The following MINDY3 variants were observed in gnomAD, a reference collection of about 807,000 sequenced individuals.
The protein encoded by MINDY3 is ubiquitin carboxyl-terminal hydrolase MINDY-3.
MINDY3 carries 38 observed loss-of-function variants against 69.2 expected under a neutral mutation model. That is an observed-to-expected ratio of 0.55 (90% CI 0.42 to 0.72). The LOEUF (loss-of-function observed/expected upper bound fraction) is 0.72, where lower values mean the gene tolerates loss of function less well. Among genes scored for constraint, MINDY3 ranks in the 30% least tolerant of loss-of-function variants. The pLI, the probability that MINDY3 is intolerant of heterozygous loss-of-function variation, is 0.00. For missense variants in MINDY3, 522 were observed against 519.0 expected, an observed-to-expected ratio of 1.01 and a Z score of -0.06; for synonymous variants, 192 against 180.1, an observed-to-expected ratio of 1.07 and a Z score of -0.53.
chr10:15,803,020 A>C (rs1286614760), intron 10 of MINDY3, among the ~76,000 whole-genome samples: 1 of 152,156 alleles, frequency 6.6e-6, no homozygotes, highest in Non-Finnish European at 1.5e-5. Context: ...TTCTTCCACA[A>C]ATCAAAACCA....
At position 15,798,752 on chromosome 10, in the gene MINDY3, C is replaced by G. The variant is rs181236567; in HGVS notation, c.883-2580G>C. Among the ~76,000 whole-genome samples the G allele has an allele frequency of 1.4e-3, 210 of 151,880 alleles. 2 individuals carry two copies. Among genetic ancestry groups the G allele is most frequent in the African/African-American group, 4.6e-3 (190 of 41,250 alleles). On this transcript the variant is annotated intron_variant, in intron 10 of 14. Coordinates refer to ENST00000277632, the MANE Select transcript of MINDY3 (RefSeq NM_024948.4). ...CCAAGATCATGCCATTGCACTCCAG[C>G]CTGGGCAACAGGGCAAGACTCTGTC...
Position 15,841,614 on chromosome 10 carries a change from A to G in MINDY3, c.236-15T>C, listed in dbSNP as rs775071877. The stretch of plus-strand genomic sequence containing the variant: ...CTGCTCTTCCTCTAAAAATAACCAA[A>G]GCATAAGTTATAATGGTTTCCTCTG... On this transcript the variant is annotated splice_polypyrimidine_tract_variant and intron_variant, in intron 3 of 14. Coordinates refer to ENST00000277632, the MANE Select transcript of MINDY3 (RefSeq NM_024948.4). 2 of 1,577,740 alleles carry G rather than the reference A, an allele frequency of 1.3e-6. No homozygotes were observed. Among genetic ancestry groups the G allele is most frequent in the South Asian group, 2.3e-5 (2 of 85,788 alleles).
intron 8 of MINDY3, among the ~76,000 whole-genome samples, chr10:15,831,975 C>T (rs1263125670): frequency 1.3e-5 from 2 of 152,112 alleles, no homozygotes; most frequent in Non-Finnish European, 2.9e-5. Flanking sequence ...CGTGCCCGGA[C>T]ATGGAGCCTC....
intron 10 of MINDY3, among the ~76,000 whole-genome samples, chr10:15,816,220 C>T (rs1839347485): frequency 8.5e-6 from 1 of 117,106 alleles, no homozygotes; most frequent in Non-Finnish European, 1.6e-5. Context: ...GAGACTGTGA[C>T]ATTACACTCT....
rs758088449 is a variant in MINDY3, at chr10:15,860,243, G to A, written c.57C>T (p.Pro19=). The A allele has an allele frequency of 1.3e-5, 21 of 1,610,826 alleles. No individual in the cohort carries two copies. The highest frequency in any genetic ancestry group is 1.0e-4 in the Admixed American group (6 of 59,652). ...GGCAGAAAATGGTGTCCGAGAGACC[G>A]GGGCTGCTCTTGGTGCCCCACACCA... The part of the protein sequence containing the change: ...MELVWGTKSS[P]GLSDTIFCRW... The change falls in exon 1 of 15, where the codon CCC becomes CCT. Residue 19 remains proline, a synonymous_variant. Coordinates refer to ENST00000277632, the MANE Select transcript of MINDY3 (RefSeq NM_024948.4).
intron 14 of MINDY3, among the ~76,000 whole-genome samples, chr10:15,781,697 C>A (rs1346759550): frequency 1.3e-5 from 2 of 152,154 alleles, no homozygotes; most frequent in African/African-American, 4.8e-5. Flanking sequence ...ACACTTCCTT[C>A]ATAAGGTGCT....
chr10:15,856,079 CA>C (rs932781139), intron 1 of MINDY3, among the ~76,000 whole-genome samples: 31 of 151,134 alleles, frequency 2.1e-4, no homozygotes, highest in African/African-American at 7.6e-4. Context: ...TAAAAACTTC[CA>C]AAAACAACAA....
intron 1 of MINDY3, among the ~76,000 whole-genome samples, chr10:15,850,359 T>C (rs1834194315): frequency 6.6e-6 from 1 of 152,204 alleles, no homozygotes; most frequent in Non-Finnish European, 1.5e-5. Context: ...GAGATGATCA[T>C]TAGGTCTGAC....
intron 9 of MINDY3, among the ~76,000 whole-genome samples, chr10:15,820,009 T>C (rs1839646570): frequency 6.6e-6 from 1 of 152,184 alleles, no homozygotes; most frequent in Non-Finnish European, 1.5e-5. Flanking sequence ...GCACTTAATA[T>C]GTACCTAGCA....
rs1329670986 is a variant in MINDY3, at chr10:15,847,890, G to C, written c.148C>G (p.Pro50Ala). Residue 50 changes from proline (P) to alanine (A), a missense_variant, in exon 2 of 15, where the codon CCC becomes GCC. Physicochemically the swap from Pro to Ala is conservative, Grantham distance 27. Transcript: ENST00000277632. Reference protein sequence around the residue: ...GSALEQFEGGPCAVIAPVQAF... With the variant: ...GSALEQFEGGACAVIAPVQAF... The stretch of plus-strand genomic sequence containing the variant: ...TGAACAGGTGCAATAACAGCACAGG[G>C]GCCACCTTCAAACTGTTCTAATGCA... 6.2e-7 allele frequency: 1 copy of C among 1,613,622 alleles called. No individual in the cohort carries two copies. The highest frequency in any genetic ancestry group is 1.3e-5 in the African/African-American group (1 of 74,818).
intron 1 of MINDY3, among the ~76,000 whole-genome samples, chr10:15,854,349 T>C (rs1834540554): frequency 6.6e-6 from 1 of 152,062 alleles, no homozygotes; most frequent in African/African-American, 2.4e-5. Flanking sequence ...CAAAATAATA[T>C]ATTGCCACAG....
At chr10:15,807,674 C>T (rs1446276427) in intron 10 of MINDY3, among the ~76,000 whole-genome samples, 1 of 152,024 alleles carries the variant, frequency 6.6e-6, no homozygotes, top group Non-Finnish European at 1.5e-5. Flanking sequence ...GCCCTTCCAT[C>T]AGTATTTTAT....
intron 1 of MINDY3, among the ~76,000 whole-genome samples, chr10:15,851,675 T>C (rs1394926635): frequency 6.6e-6 from 1 of 152,068 alleles, no homozygotes; most frequent in Non-Finnish European, 1.5e-5. Flanking sequence ...CCTTAAATAC[T>C]GTTGAGTTTC....
intron 14 of MINDY3, 113 bp from the exon 15 acceptor site, chr10:15,779,254 A>C (rs370049806): frequency 9.1e-6 from 7 of 771,178 alleles, no homozygotes; most frequent in Non-Finnish European, 1.3e-5. Flanking sequence ...GTTTCAGATG[A>C]AACTTGACAT....
chr10:15,833,747 T>C (rs371541729), intron 7 of MINDY3, 38 bp from the exon 8 acceptor site: 1 of 1,294,984 alleles, frequency 7.7e-7, no homozygotes. Flanking sequence ...AATATGAATA[T>C]AGTTGCCAAA....
chr10:15,823,601 T>C (rs942056029), intron 8 of MINDY3, among the ~76,000 whole-genome samples: 1 of 152,164 alleles, frequency 6.6e-6, no homozygotes, highest in African/African-American at 2.4e-5. Context: ...TTTCTACAAA[T>C]TTAGGAGGTA....
intron 6 of MINDY3, among the ~76,000 whole-genome samples, chr10:15,834,927 T>C (rs1276724758): frequency 6.6e-6 from 1 of 152,030 alleles, no homozygotes; most frequent in Non-Finnish European, 1.5e-5. Flanking sequence ...AATAGTTAAA[T>C]GAATTATTTA....
chr10:15,844,689 T>C (rs1222764441), intron 2 of MINDY3, among the ~76,000 whole-genome samples: 2 of 152,204 alleles, frequency 1.3e-5, no homozygotes, highest in Non-Finnish European at 2.9e-5. Flanking sequence ...AACACAACTA[T>C]TACATCAGAA....
intron 8 of MINDY3, among the ~76,000 whole-genome samples, chr10:15,827,176 T>TAAA (rs56332799): frequency 2.5e-4 from 11 of 44,840 alleles, no homozygotes; most frequent in African/African-American, 9.6e-4. Flanking sequence ...ATAACAGGAG[T>TAAA]AAAAAAAAAA....
Sources: gnomAD v4.1 joint callset for allele counts (sites outside exome capture counted in the v4.1 genomes callset) on GRCh38, gnomAD v4.1.1 for gene constraint, MANE v1.5 for transcripts, NCBI Gene and HGNC (gene_info 2026-07-23, HGNC 2026-07-21) for gene names.